The following KIF15 variants were observed in gnomAD, a reference collection of about 807,000 sequenced individuals.
KIF15 encodes kinesin-like protein KIF15.
In KIF15, 140 loss-of-function variants were observed where a neutral mutation model predicts 190.6. That is an observed-to-expected ratio of 0.73 (90% CI 0.64 to 0.84). The LOEUF (loss-of-function observed/expected upper bound fraction) is 0.84, where lower values mean the gene tolerates loss of function less well. Among genes scored for constraint, KIF15 ranks in the 40% least tolerant of loss-of-function variants. The probability of loss-of-function intolerance (pLI) is 0.00; values close to 1 mark genes in which losing one functional copy is unlikely to be tolerated. For synonymous variants in KIF15, 528 were observed against 551.3 expected (o/e 0.96, Z 0.59); for missense variants, 1,372 against 1,584.4 (o/e 0.87, Z 2.28).
At chr3:44,815,282 C>A (rs1482167055) in intron 20 of KIF15, among the ~76,000 whole-genome samples, 1 of 152,028 alleles carries the variant, frequency 6.6e-6, no homozygotes, top group Admixed American at 6.6e-5. Context: ...AGTGTTCTAT[C>A]TCTCTCAGCT....
chr3:44,773,174 A>T lies in KIF15; in HGVS notation c.20-1221A>T, dbSNP rs961068428. 5.3e-5 allele frequency among the ~76,000 whole-genome samples: 8 copies of T among 152,278 alleles called. No homozygotes were observed. The East Asian group carries it at 1.3e-3, about 26-fold the overall frequency. On this transcript the variant is annotated intron_variant, in intron 1 of 34. Transcript: ENST00000326047. ...ACAACAACAAAGCCTCTCACATAAA[A>T]GTTAATCTCTGGTGGAAAAAAGAAA...
intron 6 of KIF15, chr3:44,865,329 G>C (rs1699309628): frequency 5.9e-6 from 6 of 1,022,100 alleles, no homozygotes; most frequent in Non-Finnish European, 8.6e-6. Flanking sequence ...GCAGGCTCTG[G>C]CTCTGTAAGG....
chr3:44,864,948 C>T (rs1234070785), intron 6 of KIF15: 2 of 1,545,168 alleles, frequency 1.3e-6, no homozygotes, highest in Non-Finnish European at 1.8e-6. Flanking sequence ...GACCTTTCCT[C>T]CTGGCACCCT....
intron 34 of KIF15, 148 bp downstream of exon 34, chr3:44,852,487 G>C: frequency 1.1e-6 from 1 of 894,200 alleles, no homozygotes; most frequent in African/African-American, 1.7e-5. Context: ...GTTGGTCGTT[G>C]CTATTCTGAG....
In KIF15 at chr3:44,786,490, G is replaced by A; in HGVS notation, c.555G>A (p.Leu185=). The A allele has an allele frequency of 6.2e-7, 1 of 1,613,926 alleles. No homozygotes were observed. The change falls in exon 7 of 35, where the codon CTG becomes CTA. Residue 185 remains leucine (L), a synonymous_variant. Transcript: ENST00000326047. ...TACTGGACTCTGCATCGGCTGGACT[G>A]TACTTAAGGGAGCATATCAAGAAGG... ...YDLLDSASAG[L]YLREHIKKGV...
intron 20 of KIF15, among the ~76,000 whole-genome samples, chr3:44,818,557 G>A (rs1191425576): frequency 1.2e-4 from 19 of 152,108 alleles, no homozygotes; most frequent in Admixed American, 8.5e-4. Flanking sequence ...ATTGATTTGC[G>A]TATGTTGAAG....
intron 13 of KIF15, 76 bp downstream of exon 13, chr3:44,802,050 T>A (rs1422090129): frequency 1.0e-6 from 1 of 973,552 alleles, no homozygotes; most frequent in African/African-American, 1.6e-5. Flanking sequence ...AGCAAGTACT[T>A]GTTCTTTAAT....
rs780041617 is a variant in KIF15, at chr3:44,852,688, C to T, written c.4120C>T (p.Arg1374Cys). 7 of 1,594,178 alleles carry T rather than the reference C, an allele frequency of 4.4e-6. No homozygotes were observed. The highest frequency in any genetic ancestry group is 1.2e-5 in the South Asian group (1 of 86,868). ...AATTACTTAGGAGACAGAAAAGTTG[C>T]GTGCCGAAAATGTATTTTTAAAAGA... The part of the protein sequence containing the change: ...VRLAEETEKL[R>C]AENVFLKEKK... The change falls in exon 35 of 35, where the codon CGT becomes TGT. Residue 1374 changes from arginine to cysteine, a missense_variant. By Grantham distance (180) the Arg-to-Cys change is radical. Coordinates refer to ENST00000326047, the MANE Select transcript of KIF15 (RefSeq NM_020242.3).
chr3:44,829,470 ATATAATATGTG>A (rs1697872000), intron 24 of KIF15, among the ~76,000 whole-genome samples: 1 of 136,088 alleles, frequency 7.3e-6, no homozygotes. Context: ...ATATATATGT[ATATAATATGTG>A]TATATAATAT....
intron 11 of KIF15, among the ~76,000 whole-genome samples, chr3:44,801,213 G>A (rs1010479705): frequency 8.4e-5 from 11 of 131,312 alleles, no homozygotes; most frequent in South Asian, 2.3e-4. Flanking sequence ...GGCGGCGGGA[G>A]GGGGGGGTCT....
chr3:44,774,739 A>G (rs531631389), intron 2 of KIF15, among the ~76,000 whole-genome samples: 1 of 152,224 alleles, frequency 6.6e-6, no homozygotes, highest in Non-Finnish European at 1.5e-5. Context: ...GTTCAAGTAA[A>G]GGGATGTGAA....
intron 6 of KIF15, among the ~76,000 whole-genome samples, chr3:44,866,136 A>C (rs2125741096): frequency 6.7e-6 from 1 of 148,320 alleles, no homozygotes; most frequent in East Asian, 2.0e-4. Flanking sequence ...GCAGTGGCGC[A>C]ATCTCAGCTC....
At position 44,779,741 on chromosome 3, in the gene KIF15, G is replaced by A. The variant is rs535632976; in HGVS notation, c.324-1144G>A. On this transcript the variant is annotated intron_variant, in intron 4 of 34. Coordinates refer to ENST00000326047, the MANE Select transcript of KIF15 (RefSeq NM_020242.3). Reference sequence around the variant, plus strand: ...CCCAGCTACTCAGGAGGCTGAGGAAGGAGAATCATTTGAACCCGGAGGGTG... The same window carrying A: ...CCCAGCTACTCAGGAGGCTGAGGAAAGAGAATCATTTGAACCCGGAGGGTG... Among the ~76,000 whole-genome samples the A allele has an allele frequency of 5.3e-5, 8 of 150,066 alleles. 1 individual carries two copies. Among genetic ancestry groups the A allele is most frequent in the African/African-American group, 2.0e-4 (8 of 40,718 alleles).
intron 28 of KIF15, 39 bp from the exon 29 acceptor site, chr3:44,841,035 C>A: frequency 6.6e-7 from 1 of 1,516,912 alleles, no homozygotes; most frequent in Non-Finnish European, 9.0e-7. Context: ...TATAATATCA[C>A]TTAATTGGAT....
In KIF15 at chr3:44,797,679, A is replaced by C; in HGVS notation, c.975+3A>C. The C allele has an allele frequency of 6.2e-7, 1 of 1,613,526 alleles. No individual in the cohort carries two copies. The highest frequency in any genetic ancestry group is 8.5e-7 in the Non-Finnish European group (1 of 1,179,712). ...CCAAACTTACCTTCTTACTACGGGT[A>C]AAGTAGATCCTTGGGTTCCTGGGCT... On this transcript the variant is annotated splice_donor_region_variant and intron_variant, in intron 9 of 34. Transcript: ENST00000326047.
chr3:44,843,319 T>C (rs1575682926), intron 30 of KIF15, 85 bp downstream of exon 30: 2 of 824,194 alleles, frequency 2.4e-6, no homozygotes, highest in East Asian at 5.0e-5. Flanking sequence ...GTTTCACAGG[T>C]TTCCCAAGGT....
chr3:44,786,560 G>T lies in KIF15; in HGVS notation c.625G>T (p.Ala209Ser). 1 of 1,611,402 alleles carries T rather than the reference G, an allele frequency of 6.2e-7. No homozygotes were observed. Among genetic ancestry groups the T allele is most frequent in the Non-Finnish European group, 8.5e-7 (1 of 1,178,100 alleles). ...GGTGGAGCAGGTGGTAACCTCAGCT[G>T]CTGAAGCCTATCAGGTACCCTGCCA... ...GAVEQVVTSA[A>S]EAYQVLSGGW... is the part of the protein sequence containing the mutation. The change falls in exon 7 of 35, where the codon GCT becomes TCT. Residue 209 changes from alanine to serine, a missense_variant. Ala to Ser is a moderately conservative substitution (Grantham distance 99). Transcript: ENST00000326047.
In KIF15 at chr3:44,805,034, AG is replaced by A. The variant is rs1489091931; in HGVS notation, c.1697del (p.Gly566AspfsTer19). 6.2e-7 allele frequency: 1 copy of A among 1,608,340 alleles called. No homozygotes were observed. Among genetic ancestry groups the A allele is most frequent in the Admixed American group, 1.7e-5 (1 of 58,520 alleles). ...GMEKSDKNQQ[G>X]FSPKAQKEPC... ...TTGTTTTCTTATTAACAGATCAGCA[AG>A]GATTTTCACCTAAAGCTCAGAAAGA... On this transcript the variant is annotated frameshift_variant, in exon 15 of 35. Coordinates refer to ENST00000326047, the MANE Select transcript of KIF15 (RefSeq NM_020242.3). LOFTEE classifies it high-confidence loss of function.
At chr3:44,804,411 C>T (rs1284955951) in intron 14 of KIF15, among the ~76,000 whole-genome samples, 1 of 152,172 alleles carries the variant, frequency 6.6e-6, no homozygotes, top group Non-Finnish European at 1.5e-5. Context: ...ATAGATGATA[C>T]CGGGTTCTTA....
Sources: allele counts gnomAD v4.1 joint callset (sites outside exome capture counted in the v4.1 genomes callset), GRCh38; gene constraint gnomAD v4.1.1; transcripts MANE v1.5; gene names NCBI Gene and HGNC (gene_info 2026-07-23, HGNC 2026-07-21).